Variants in NLGN1 observed in about 807,000 individuals in gnomAD.
The protein encoded by NLGN1 is neuroligin 1.
In NLGN1, 12 loss-of-function variants were observed where a neutral mutation model predicts 65.5. The observed-to-expected ratio is 0.18, with a 90% CI of 0.12 to 0.30. The LOEUF is 0.30. Ranked by LOEUF, NLGN1 falls within the 10% of genes least tolerant of loss-of-function variation. NLGN1 has a pLI of 1.00. For synonymous variants in NLGN1, 350 were observed against 359.5 expected, an observed-to-expected ratio of 0.97 and a Z score of 0.30; for missense variants, 750 against 1,007.1, an observed-to-expected ratio of 0.74 and a Z score of 3.46.
intron 4 of NLGN1, among the ~76,000 whole-genome samples, chr3:173,971,309 A>G (rs1186799167): frequency 2.0e-5 from 3 of 152,106 alleles, no homozygotes; most frequent in Non-Finnish European, 2.9e-5. Flanking sequence ...AGAAGGAGCC[A>G]CTGGAAGTCA....
chr3:173,458,754 G>T (rs1722901142), intron 2 of NLGN1, among the ~76,000 whole-genome samples: 1 of 152,096 alleles, frequency 6.6e-6, no homozygotes, highest in Non-Finnish European at 1.5e-5. Flanking sequence ...TAAGAAGAAG[G>T]TTGCATGTGG....
At chr3:173,918,653 AATAC>A (rs1741252067) in intron 4 of NLGN1, among the ~76,000 whole-genome samples, 2 of 124,834 alleles carry the variant, frequency 1.6e-5, no homozygotes, top group South Asian at 2.9e-4. Context: ...AAAAAAAAGA[AATAC>A]ATATGTGTGT....
intron 4 of NLGN1, among the ~76,000 whole-genome samples, chr3:174,189,678 A>T (rs1054602158): frequency 2.6e-5 from 4 of 151,946 alleles, no homozygotes. Context: ...AGTATTATGT[A>T]AATGCATTTT....
At chr3:173,621,762 T>C (rs1754028446) in intron 3 of NLGN1, among the ~76,000 whole-genome samples, 1 of 152,020 alleles carries the variant, frequency 6.6e-6, no homozygotes, top group African/African-American at 2.4e-5. Context: ...CTTGGCAATG[T>C]TGACAACAGA....
intron 4 of NLGN1, among the ~76,000 whole-genome samples, chr3:174,234,482 A>G (rs1185539136): frequency 1.3e-5 from 2 of 152,290 alleles, no homozygotes; most frequent in East Asian, 1.9e-4. Flanking sequence ...AGATGTTCCA[A>G]GAAGGTCATG....
chr3:173,634,270 A>T (rs1439376856), intron 3 of NLGN1, among the ~76,000 whole-genome samples: 2 of 152,150 alleles, frequency 1.3e-5, no homozygotes, highest in Non-Finnish European at 2.9e-5. Flanking sequence ...GTTTAAAAAT[A>T]AAAAAAGAAA....
chr3:173,555,296 G>T (rs556272862), intron 2 of NLGN1, among the ~76,000 whole-genome samples: 5 of 152,238 alleles, frequency 3.3e-5, no homozygotes, highest in African/African-American at 1.2e-4. Flanking sequence ...TATATTGAAT[G>T]ATTTTTTAAT....
At chr3:173,885,011 T>C (rs1018006097) in intron 4 of NLGN1, among the ~76,000 whole-genome samples, 1 of 152,154 alleles carries the variant, frequency 6.6e-6, no homozygotes, top group African/African-American at 2.4e-5. Context: ...CCCACTCTTA[T>C]GACTTAATCA....
intron 4 of NLGN1, among the ~76,000 whole-genome samples, chr3:174,047,303 T>G (rs960223761): frequency 6.6e-6 from 1 of 152,006 alleles, no homozygotes; most frequent in Non-Finnish European, 1.5e-5. Flanking sequence ...CTAACAGAAA[T>G]GTATTGTACA....
chr3:174,266,066 T>A (rs1011688967), intron 4 of NLGN1, among the ~76,000 whole-genome samples: 1 of 150,430 alleles, frequency 6.6e-6, no homozygotes, highest in African/African-American at 2.4e-5. Flanking sequence ...TCTTTCCAAC[T>A]TTTATTTTAG....
At chr3:173,629,702 T>G (rs1377684624) in intron 3 of NLGN1, among the ~76,000 whole-genome samples, 3 of 152,150 alleles carry the variant, frequency 2.0e-5, no homozygotes, top group Admixed American at 6.6e-5. Flanking sequence ...CTTTGAATCA[T>G]GTATGCATAA....
intron 4 of NLGN1, among the ~76,000 whole-genome samples, chr3:174,047,531 C>A (rs564601101): frequency 1.8e-3 from 270 of 152,062 alleles, no homozygotes; most frequent in African/African-American, 6.3e-3. Context: ...TATTTTGAGA[C>A]AATTTCTGTC....
chr3:173,762,591 A>G (rs1778136307), intron 3 of NLGN1, among the ~76,000 whole-genome samples: 1 of 152,032 alleles, frequency 6.6e-6, no homozygotes, highest in South Asian at 2.1e-4. Flanking sequence ...TATTATGTTT[A>G]CTACACAATG....
intron 4 of NLGN1, among the ~76,000 whole-genome samples, chr3:174,156,441 G>A (rs944675999): frequency 7.2e-5 from 11 of 151,744 alleles, no homozygotes; most frequent in Admixed American, 2.0e-4. Flanking sequence ...TTCTCGAAAT[G>A]AAAGTAAGAC....
At chr3:173,736,491 T>C (rs1291748526) in intron 3 of NLGN1, among the ~76,000 whole-genome samples, 1 of 152,002 alleles carries the variant, frequency 6.6e-6, no homozygotes, top group Admixed American at 6.6e-5. Context: ...AATATAAACA[T>C]AGAAGGGGAC....
chr3:174,222,375 T>C (rs1386808901), intron 4 of NLGN1, among the ~76,000 whole-genome samples: 2 of 152,194 alleles, frequency 1.3e-5, no homozygotes, highest in Non-Finnish European at 2.9e-5. Flanking sequence ...TATTTTTTAC[T>C]TTATATAGAT....
intron 1 of NLGN1, among the ~76,000 whole-genome samples, chr3:173,433,656 A>G (rs938903735): frequency 3.3e-5 from 5 of 151,950 alleles, no homozygotes; most frequent in Admixed American, 2.6e-4. Context: ...TTGCTGGTAC[A>G]TAGATAAGTT....
intron 4 of NLGN1, among the ~76,000 whole-genome samples, chr3:174,196,069 A>G (rs1288212382): frequency 6.6e-6 from 1 of 152,172 alleles, no homozygotes. Flanking sequence ...TCTTAGACAG[A>G]CTATATTTTA....
exon 3 of NLGN1, chr3:173,604,857 G>A: frequency 6.2e-7 from 1 of 1,613,716 alleles, no homozygotes; most frequent in Non-Finnish European, 8.5e-7. Context: ...TCCATATGCA[G>A]CCCCACCAAC....
Sources: gnomAD v4.1 joint callset for allele counts (sites outside exome capture counted in the v4.1 genomes callset) on GRCh38, gnomAD v4.1.1 for gene constraint, MANE v1.5 for transcripts, NCBI Gene and HGNC (gene_info 2026-07-23, HGNC 2026-07-21) for gene names.